PTPRD: variants seen among roughly 807,000 people sequenced by gnomAD.
PTPRD encodes the protein protein tyrosine phosphatase receptor type D, also known as receptor-type tyrosine-protein phosphatase delta.
PTPRD carries 34 observed loss-of-function variants against 214.5 expected under a neutral mutation model. That is an observed-to-expected ratio of 0.16 (90% CI 0.12 to 0.21). PTPRD has a LOEUF of 0.21. PTPRD is among the 10% of genes least tolerant of loss of function. The probability of loss-of-function intolerance (pLI) is 1.00; values close to 1 mark genes in which losing one functional copy is unlikely to be tolerated. For missense variants in PTPRD, 2,545 were observed against 2,398.7 expected (o/e 1.06, Z -1.27); for synonymous variants, 1,128 against 845.7 (o/e 1.33, Z -5.79).
intron 2 of PTPRD, among the ~76,000 whole-genome samples, chr9:10,406,900 C>G (rs920351545): frequency 6.6e-6 from 1 of 151,526 alleles, no homozygotes; most frequent in Non-Finnish European, 1.5e-5. Context: ...CAGACAGGAG[C>G]AATCACCTAT....
chr9:9,813,880 T>C (rs921942682), intron 5 of PTPRD, among the ~76,000 whole-genome samples: 3 of 145,396 alleles, frequency 2.1e-5, no homozygotes, highest in South Asian at 2.2e-4. Flanking sequence ...GCAAATTTAA[T>C]TCATCATCAC....
chr9:10,166,501 C>A (rs999046220), intron 3 of PTPRD, among the ~76,000 whole-genome samples: 1 of 151,916 alleles, frequency 6.6e-6, no homozygotes, highest in Non-Finnish European at 1.5e-5. Context: ...ATCAACCGCA[C>A]AACCCTTTGT....
At chr9:10,191,918 T>A (rs1183079730) in intron 3 of PTPRD, among the ~76,000 whole-genome samples, 1 of 152,186 alleles carries the variant, frequency 6.6e-6, no homozygotes, top group Non-Finnish European at 1.5e-5. Flanking sequence ...AAAGTATAAG[T>A]TCCCAAGACT....
chr9:9,954,360 C>T (rs1209573274), intron 4 of PTPRD, among the ~76,000 whole-genome samples: 3 of 139,964 alleles, frequency 2.1e-5, no homozygotes, highest in Non-Finnish European at 4.6e-5. Flanking sequence ...CTAATAAACT[C>T]ATCTATTTAG....
intron 7 of PTPRD, among the ~76,000 whole-genome samples, chr9:9,601,107 ATATATGTG>A (rs998473585): frequency 3.5e-5 from 3 of 84,594 alleles, no homozygotes; most frequent in African/African-American, 5.2e-5. Context: ...AAAGAGATTA[ATATATGTG>A]TGTGTGTGTG....
chr9:9,048,868 T>A (rs1590515764), intron 10 of PTPRD, among the ~76,000 whole-genome samples: 1 of 152,180 alleles, frequency 6.6e-6, no homozygotes, highest in East Asian at 1.9e-4. Context: ...ATACCCCATT[T>A]TCCATGATGT....
At chr9:9,274,875 C>G (rs1421058135) in intron 9 of PTPRD, among the ~76,000 whole-genome samples, 1 of 148,346 alleles carries the variant, frequency 6.7e-6, no homozygotes, top group Non-Finnish European at 1.5e-5. Flanking sequence ...AGGAATGATT[C>G]TACTCGTAAA....
chr9:8,524,898 G>C, intron 18 of PTPRD, 27 bp downstream of exon 18: 1 of 1,587,330 alleles, frequency 6.3e-7, no homozygotes, highest in Non-Finnish European at 8.7e-7. Flanking sequence ...GAATGAAGAA[G>C]CGATGCCAGG....
chr9:8,623,047 G>T (rs2095871002), intron 14 of PTPRD, among the ~76,000 whole-genome samples: 1 of 151,796 alleles, frequency 6.6e-6, no homozygotes, highest in Non-Finnish European at 1.5e-5. Context: ...AGCAACTCAG[G>T]GACTCAGGTG....
At chr9:10,069,564 A>T (rs1287292968) in intron 3 of PTPRD, among the ~76,000 whole-genome samples, 1 of 152,026 alleles carries the variant, frequency 6.6e-6, no homozygotes, top group Admixed American at 6.6e-5. Context: ...AACCAGATAC[A>T]GTTATTCAGA....
chr9:9,673,342 A>C (rs1397479939), intron 7 of PTPRD, among the ~76,000 whole-genome samples: 1 of 151,950 alleles, frequency 6.6e-6, no homozygotes, highest in Non-Finnish European at 1.5e-5. Context: ...GTTAACTCAG[A>C]GAAACTACTC....
chr9:8,852,494 C>T (rs2097839904), intron 11 of PTPRD, among the ~76,000 whole-genome samples: 1 of 152,136 alleles, frequency 6.6e-6, no homozygotes, highest in Non-Finnish European at 1.5e-5. Context: ...GTTGTAAATG[C>T]TGGAGGAGCC....
intron 8 of PTPRD, among the ~76,000 whole-genome samples, chr9:9,451,082 T>C (rs1336366361): frequency 6.6e-6 from 1 of 150,980 alleles, no homozygotes; most frequent in Non-Finnish European, 1.5e-5. Context: ...AAGCAAAAAT[T>C]GTAGAAGTTG....
At chr9:8,449,092 G>C (rs1006576835) in intron 34 of PTPRD, among the ~76,000 whole-genome samples, 1 of 152,144 alleles carries the variant, frequency 6.6e-6, no homozygotes, top group Non-Finnish European at 1.5e-5. Flanking sequence ...AGGAATAGTA[G>C]TGTTCCTCTG....
chr9:9,733,539 C>T (rs938171343), intron 7 of PTPRD, among the ~76,000 whole-genome samples: 2 of 152,046 alleles, frequency 1.3e-5, no homozygotes, highest in African/African-American at 4.8e-5. Flanking sequence ...ATTGAGAAAT[C>T]CTGAAAGCAT....
intron 35 of PTPRD, among the ~76,000 whole-genome samples, chr9:8,414,851 G>C (rs1408737670): frequency 7.0e-6 from 1 of 142,244 alleles, no homozygotes; most frequent in African/African-American, 2.6e-5. Flanking sequence ...TACGGGGAGG[G>C]AAGGCGTGCA....
intron 9 of PTPRD, among the ~76,000 whole-genome samples, chr9:9,374,330 C>G (rs1211564398): frequency 6.6e-6 from 1 of 151,788 alleles, no homozygotes; most frequent in Non-Finnish European, 1.5e-5. Context: ...TATGTAATTT[C>G]TATAATTAAA....
At chr9:9,271,218 A>G (rs1942776690) in intron 9 of PTPRD, among the ~76,000 whole-genome samples, 1 of 151,268 alleles carries the variant, frequency 6.6e-6, no homozygotes, top group Non-Finnish European at 1.5e-5. Context: ...AACTTCATGA[A>G]GCCAACTTTC....
chr9:9,089,539 A>G (rs973977205), intron 10 of PTPRD, among the ~76,000 whole-genome samples: 6 of 152,174 alleles, frequency 3.9e-5, no homozygotes, highest in Non-Finnish European at 8.8e-5. Context: ...GACTCTACTA[A>G]CTCATAGTAT....
Sources: gnomAD v4.1 joint callset for allele counts (sites outside exome capture counted in the v4.1 genomes callset) on GRCh38, gnomAD v4.1.1 for gene constraint, MANE v1.5 for transcripts, NCBI Gene and HGNC (gene_info 2026-07-23, HGNC 2026-07-21) for gene names.